Variants in PIK3C2B observed in about 807,000 individuals in gnomAD.
The protein encoded by PIK3C2B is phosphatidylinositol-4-phosphate 3-kinase catalytic subunit type 2 beta.
In PIK3C2B, 83 loss-of-function variants were observed where a neutral mutation model predicts 184.3. The observed-to-expected ratio is 0.45, with a 90% CI of 0.38 to 0.54. PIK3C2B has a LOEUF of 0.54. Among genes scored for constraint, PIK3C2B ranks in the 20% least tolerant of loss-of-function variants. The probability of loss-of-function intolerance (pLI) is 0.00; values close to 1 mark genes in which losing one functional copy is unlikely to be tolerated. For missense variants in PIK3C2B, 1,736 were observed against 2,113.5 expected (o/e 0.82, Z 3.50); for synonymous variants, 779 against 837.6 (o/e 0.93, Z 1.21).
At chr1:204,470,641 T>C (rs1410414527) in intron 1 of PIK3C2B, among the ~76,000 whole-genome samples, 1 of 152,246 alleles carries the variant, frequency 6.6e-6, no homozygotes, top group Non-Finnish European at 1.5e-5. Flanking sequence ...GATTCAACTA[T>C]CACTCCTACT....
chr1:204,490,131 G>C, intron 1 of PIK3C2B: 2 of 393,046 alleles, frequency 5.1e-6, no homozygotes, highest in Non-Finnish European at 4.5e-6. Context: ...TTTCCAAAGA[G>C]GCAAACAATC....
rs755986291 is a variant in PIK3C2B at position 204,429,982 on chromosome 1, C to T, written c.4337G>A (p.Arg1446Gln). Residue 1446 changes from arginine (R) to glutamine (Q), a missense_variant, in exon 29 of 33, where the codon CGG becomes CAG. This residue lies in a region of PIK3C2B where 200 missense variants were observed against 199.1 expected (regional missense o/e 1.00). Coordinates refer to ENST00000684373, the MANE Select transcript of PIK3C2B (RefSeq NM_001377334.1). ...RSRGEAVAER[R>Q]REELNGYIWH... ...GATGTAACCGTTTAGCTCCTCCCTC[C>T]GCCGCTCGGCCACCGCCTCTCCCCG... 6.8e-6 allele frequency: 11 copies of T among 1,612,196 alleles called. No individual in the cohort carries two copies. The highest frequency in any genetic ancestry group is 3.3e-5 in the South Asian group (3 of 91,086).
intron 2 of PIK3C2B, among the ~76,000 whole-genome samples, chr1:204,466,545 C>A (rs1027843457): frequency 6.6e-6 from 1 of 152,152 alleles, no homozygotes; most frequent in Non-Finnish European, 1.5e-5. Flanking sequence ...GAGGCCCTGG[C>A]TCTGCCAAGT....
At chr1:204,482,670 G>A (rs1657263247) in intron 1 of PIK3C2B, among the ~76,000 whole-genome samples, 1 of 151,980 alleles carries the variant, frequency 6.6e-6, no homozygotes, top group South Asian at 2.1e-4. Flanking sequence ...TGTAACACCA[G>A]CTACTTGGGA....
In PIK3C2B at chr1:204,456,117, G is replaced by A; in HGVS notation, c.1748-66C>T. The A allele has an allele frequency of 3.7e-6, 5 of 1,361,494 alleles. No individual in the cohort carries two copies. In the South Asian group the frequency reaches 5.3e-5, roughly 14 times the overall value. 84.3% of individuals were successfully genotyped at this position (1,361,494 alleles called of 1,614,324 possible). ...CCACAAGCCCTACCTTGTTGCCATGGCATTGGCTAGAATGGGATGGCCTAA... is the reference window on the plus strand; with the variant it reads ...CCACAAGCCCTACCTTGTTGCCATGACATTGGCTAGAATGGGATGGCCTAA... On this transcript the variant is annotated intron_variant, in intron 10 of 32. Coordinates refer to ENST00000684373, the MANE Select transcript of PIK3C2B (RefSeq NM_001377334.1).
Position 204,424,509 on chromosome 1 carries a change from C to CA in PIK3C2B, c.*342_*343insT. On this transcript the variant is annotated 3_prime_UTR_variant, in exon 33 of 33. Coordinates refer to ENST00000684373, the MANE Select transcript of PIK3C2B (RefSeq NM_001377334.1). ...TTTTTAAAAATAAAAATTAAGATAT[C>CA]CACCCACCCACCCCCAAAATGCTAC... 1 of 302,974 alleles carries CA rather than the reference C, an allele frequency of 3.3e-6. No individual in the cohort carries two copies. The highest frequency in any genetic ancestry group is 6.5e-6 in the Non-Finnish European group (1 of 153,868). 18.8% of individuals were successfully genotyped at this position (302,974 alleles called of 1,614,324 possible). A position where few individuals can be genotyped will look rare whatever the true frequency, so the allele number is the denominator to read the frequency against.
intron 8 of PIK3C2B, 86 bp from the exon 9 acceptor site, chr1:204,457,960 A>G (rs1268953457): frequency 1.7e-6 from 2 of 1,203,322 alleles, no homozygotes; most frequent in Admixed American, 4.7e-5. Context: ...CTTTAAAGGA[A>G]AGGGTTGGGA....
At chr1:204,431,871 G>A (rs1347152227) in intron 27 of PIK3C2B, 78 bp from the exon 28 acceptor site, 1 of 1,543,270 alleles carries the variant, frequency 6.5e-7, no homozygotes, top group Non-Finnish European at 9.0e-7. Flanking sequence ...GTCCGGAAGT[G>A]TATGTATGTG....
intron 5 of PIK3C2B, among the ~76,000 whole-genome samples, chr1:204,461,724 A>T (rs1249373475): frequency 6.6e-6 from 1 of 152,016 alleles, no homozygotes; most frequent in African/African-American, 2.4e-5. Context: ...GGAGGTGGTG[A>T]GGCTGGGCTG....
Position 204,493,846 on chromosome 1 carries a change from T to A in PIK3C2B, c.-85+510A>T, listed in dbSNP as rs1040073948. Among the ~76,000 whole-genome samples, 5 of 152,322 alleles carry A rather than the reference T, an allele frequency of 3.3e-5. No homozygotes were observed. In the South Asian group the frequency reaches 6.2e-4, roughly 19 times the overall value. On this transcript the variant is annotated intron_variant, in intron 1 of 32. Coordinates refer to ENST00000684373, the MANE Select transcript of PIK3C2B (RefSeq NM_001377334.1). ...CTCTTTCAAGCTTTCAGTCTCCTTTTGCTGCAGTATCCTTATAAGGGAGAA... is the reference window on the plus strand; with the variant it reads ...CTCTTTCAAGCTTTCAGTCTCCTTTAGCTGCAGTATCCTTATAAGGGAGAA...
chr1:204,455,107 C>A (rs938582923), intron 11 of PIK3C2B, among the ~76,000 whole-genome samples: 5 of 152,304 alleles, frequency 3.3e-5, no homozygotes, highest in Non-Finnish European at 5.9e-5. Flanking sequence ...TGTGTGCGTG[C>A]GTGTGTGCGC....
chr1:204,489,799 A>T, intron 1 of PIK3C2B: 1 of 397,932 alleles, frequency 2.5e-6, no homozygotes, highest in East Asian at 3.6e-5. Context: ...ATTACCTGAG[A>T]CAAAAAGAAC....
chr1:204,459,768 T>G, intron 8 of PIK3C2B, 110 bp downstream of exon 8: 1 of 903,482 alleles, frequency 1.1e-6, no homozygotes, highest in South Asian at 1.4e-5. Flanking sequence ...GCCAACAGAT[T>G]TTCAGGCTCC....
intron 5 of PIK3C2B, among the ~76,000 whole-genome samples, chr1:204,461,565 G>A (rs1655338379): frequency 1.3e-5 from 2 of 152,190 alleles, no homozygotes; most frequent in South Asian, 2.1e-4. Flanking sequence ...GCATAAGGGG[G>A]GCAGTATATG....
At chr1:204,480,216 C>A (rs74376985) in intron 1 of PIK3C2B, among the ~76,000 whole-genome samples, 2,292 of 152,240 alleles carry the variant, frequency 0.015, 66 homozygotes, top group African/African-American at 0.051. Context: ...CCTTGCTGGG[C>A]TGACACTGGC....
Position 204,469,828 on chromosome 1 carries a change from A to G in PIK3C2B, c.-26T>C, listed in dbSNP as rs61760619. On this transcript the variant is annotated 5_prime_UTR_variant, in exon 2 of 33. Coordinates refer to ENST00000684373, the MANE Select transcript of PIK3C2B (RefSeq NM_001377334.1). ...GGTGAGGATGGGGGACACAGGCAAC[A>G]AAGTCTCTACTTCCTGCCAACGTCA... The G allele has an allele frequency of 4.9e-3, 7,610 of 1,538,088 alleles. 28 individuals carry two copies. Among genetic ancestry groups the G allele is most frequent in the Non-Finnish European group, 6.0e-3 (6,622 of 1,111,320 alleles).
chr1:204,486,084 T>C (rs1462198761), intron 1 of PIK3C2B, among the ~76,000 whole-genome samples: 1 of 152,212 alleles, frequency 6.6e-6, no homozygotes, highest in African/African-American at 2.4e-5. Flanking sequence ...AGCACTTTTA[T>C]AGACATTAGC....
intron 2 of PIK3C2B, among the ~76,000 whole-genome samples, chr1:204,465,670 G>T (rs1366937134): frequency 2.0e-5 from 3 of 152,202 alleles, no homozygotes; most frequent in Non-Finnish European, 2.9e-5. Context: ...TCTCCCAGAG[G>T]CGTGACAGGG....
intron 8 of PIK3C2B, among the ~76,000 whole-genome samples, chr1:204,458,526 C>T (rs1177301473): frequency 1.3e-5 from 2 of 149,238 alleles, no homozygotes; most frequent in South Asian, 2.1e-4. Context: ...CGGAGTCTTG[C>T]TCTGTCACCC....
Sources: gnomAD v4.1 joint callset for allele counts (sites outside exome capture counted in the v4.1 genomes callset) on GRCh38, gnomAD v4.1.1 for gene constraint, gnomAD v4.1.1 regional missense constraint, MANE v1.5 for transcripts, NCBI Gene and HGNC (gene_info 2026-07-23, HGNC 2026-07-21) for gene names.